GSDME: variants seen among roughly 807,000 people sequenced by gnomAD.
The protein encoded by GSDME is gasdermin E, also known as gasdermin-E.
A neutral mutation model predicts 47.5 loss-of-function variants in GSDME; 44 were observed. The observed-to-expected ratio is 0.93, with a 90% CI of 0.73 to 1.19. GSDME has a LOEUF of 1.19. Ranked by LOEUF, GSDME falls within the 50% of genes most tolerant of loss-of-function variation. The pLI, the probability that GSDME is intolerant of heterozygous loss-of-function variation, is 0.00. For synonymous variants in GSDME, 258 were observed against 252.8 expected, an observed-to-expected ratio of 1.02 and a Z score of -0.20; for missense variants, 663 against 604.2, an observed-to-expected ratio of 1.10 and a Z score of -1.02.
At position 24,735,814 on chromosome 7, in the gene GSDME, A is replaced by G. The variant is rs1177809598; in HGVS notation, c.404+8748T>C. On this transcript the variant is annotated intron_variant, in intron 3 of 9. Coordinates refer to ENST00000645220, the MANE Select transcript of GSDME (RefSeq NM_001127453.2). This position sits in a 1 kb window ranked among gnomAD's most constrained non-coding sequence, Gnocchi z 4.4. Reference sequence around the variant, plus strand: ...AAATAAATAAATAAATAAAACTACAAAAACTTTTCAAGACATAGACTGTAC... The same window carrying G: ...AAATAAATAAATAAATAAAACTACAGAAACTTTTCAAGACATAGACTGTAC... Among the ~76,000 whole-genome samples the G allele has an allele frequency of 1.3e-5, 2 of 151,512 alleles. No individual in the cohort carries two copies. The highest frequency in any genetic ancestry group is 4.8e-5 in the African/African-American group (2 of 41,342).
rs1562707746 is a variant in GSDME, at chr7:24,735,855, G to GA, written c.404+8706dup. ...TAGACTGTACAATAAGATATAAATA[G>GA]AAAAAAGGAAAAAGTTAAGCCGGGG... On this transcript the variant is annotated intron_variant, in intron 3 of 9. Transcript: ENST00000645220. This position sits in a 1 kb window ranked among gnomAD's most constrained non-coding sequence, Gnocchi z 4.4. 6.6e-6 allele frequency among the ~76,000 whole-genome samples: 1 copy of GA among 151,586 alleles called. No individual in the cohort carries two copies. The highest frequency in any genetic ancestry group is 1.5e-5 in the Non-Finnish European group (1 of 67,890).
At chr7:24,791,048 C>A in the GSDME span, among the ~76,000 whole-genome samples, 2 of 152,138 alleles carry the variant, frequency 1.3e-5, no homozygotes, top group East Asian at 3.9e-4. This position sits in a 1 kb window ranked among gnomAD's most constrained non-coding sequence, Gnocchi z 4.8. Flanking sequence ...TTGTCGTCTT[C>A]TTCAGAGTCA....
rs1422308585 is a variant in GSDME, at chr7:24,744,575, C to T, written c.391G>A (p.Asp131Asn). The change falls in exon 3 of 10, where the codon GAC (aspartate) becomes AAC (asparagine). Residue 131 changes from aspartate (D) to asparagine (N), a missense_variant. Coordinates refer to ENST00000645220, the MANE Select transcript of GSDME (RefSeq NM_001127453.2). This position sits in a 1 kb window ranked among gnomAD's most constrained non-coding sequence, Gnocchi z 4.5. Reference protein sequence around the residue: ...QEVDLQQLIRDSAERTINLRN... With the variant: ...QEVDLQQLIRNSAERTINLRN... ...AAGTCTCCTTACCTCTCGGCAGAGT[C>T]TCTGATGAGCTGCTGCAAATCCACC... The T allele has an allele frequency of 3.7e-6, 6 of 1,614,174 alleles. No individual in the cohort carries two copies. The highest frequency in any genetic ancestry group is 5.1e-6 in the Non-Finnish European group (6 of 1,180,038).
chr7:24,783,916 T>C, the GSDME span, among the ~76,000 whole-genome samples: 2 of 151,818 alleles, frequency 1.3e-5, no homozygotes, highest in African/African-American at 4.8e-5. Context: ...ATGTGTTGAG[T>C]TTGAGATGCC....
At chr7:24,781,971 C>T in the GSDME span, among the ~76,000 whole-genome samples, 1 of 152,102 alleles carries the variant, frequency 6.6e-6, no homozygotes, top group Non-Finnish European at 1.5e-5. Context: ...GTCTGAAACT[C>T]CTGGCCTCAA....
the GSDME span, among the ~76,000 whole-genome samples, chr7:24,775,363 A>G: frequency 6.6e-6 from 1 of 152,370 alleles, no homozygotes; most frequent in African/African-American, 2.4e-5. Context: ...GTACTATAAA[A>G]TCAGTGTGAT....
rs533699277 is a variant in GSDME at position 24,735,313 on chromosome 7, G to A, written c.404+9249C>T. On this transcript the variant is annotated intron_variant, in intron 3 of 9. Transcript: ENST00000645220. The surrounding 1 kb of genome is among the most constrained non-coding windows in gnomAD (Gnocchi z 4.4). ...CTAAAGAGAGTATTTTAATCAGAAA[G>A]GACATTAATAAGCAATAAGAAATCA... Among the ~76,000 whole-genome samples, 152 of 152,248 alleles carry A rather than the reference G, an allele frequency of 1.0e-3. No individual in the cohort carries two copies. The highest frequency in any genetic ancestry group is 1.9e-3 in the Non-Finnish European group (128 of 68,016).
chr7:24,744,510 C>A lies in GSDME; in HGVS notation c.404+52G>T. The A allele has an allele frequency of 2.5e-6, 4 of 1,590,224 alleles. No homozygotes were observed. The South Asian group carries it at 4.4e-5, about 18-fold the overall frequency. On this transcript the variant is annotated intron_variant, in intron 3 of 9. Transcript: ENST00000645220. The surrounding 1 kb of genome is among the most constrained non-coding windows in gnomAD (Gnocchi z 4.5). ...TTTTAACAAAGGTCCAACTGAATGA[C>A]CTTTAAATGTGAGATGTGTCAAAAT...
the GSDME span, among the ~76,000 whole-genome samples, chr7:24,784,499 A>G: frequency 6.6e-6 from 1 of 152,162 alleles, no homozygotes; most frequent in Non-Finnish European, 1.5e-5. Flanking sequence ...CCAAGAGTCC[A>G]AAGGCTGCAG....
Position 24,754,321 on chromosome 7 carries a change from G to A in GSDME, c.-20+3075C>T, listed in dbSNP as rs571571643. ...GGCCCAACATGGTGAAACCCGGTCTGTACTAAAAATACAAAAATTAGCCAG... is the reference window on the plus strand; with the variant it reads ...GGCCCAACATGGTGAAACCCGGTCTATACTAAAAATACAAAAATTAGCCAG... On this transcript the variant is annotated intron_variant, in intron 1 of 9. Transcript: ENST00000645220. The surrounding 1 kb of genome is among the most constrained non-coding windows in gnomAD (Gnocchi z 5.0). Among the ~76,000 whole-genome samples the A allele has an allele frequency of 1.3e-5, 2 of 151,986 alleles. No individual in the cohort carries two copies. Among genetic ancestry groups the A allele is most frequent in the African/African-American group, 2.4e-5 (1 of 41,386 alleles).
Position 24,708,348 on chromosome 7 carries a change from AG to A in GSDME, c.863-95del. 2.7e-6 allele frequency: 4 copies of A among 1,458,494 alleles called. No homozygotes were observed. The South Asian group carries it at 4.8e-5, about 18-fold the overall frequency. 90.3% of individuals were successfully genotyped at this position (1,458,494 alleles called of 1,614,324 possible). On this transcript the variant is annotated intron_variant, in intron 6 of 9. Transcript: ENST00000645220. Reference sequence around the variant, plus strand: ...CTGCTTTTTATACCTAATCGTCATCAGTTCTTTCATGGATATTCCCAGCTGC... The same window carrying A: ...CTGCTTTTTATACCTAATCGTCATCATTCTTTCATGGATATTCCCAGCTGC...
intron 3 of GSDME, among the ~76,000 whole-genome samples, chr7:24,719,890 C>T (rs1001081562): frequency 1.3e-5 from 2 of 152,108 alleles, no homozygotes; most frequent in Non-Finnish European, 2.9e-5. Context: ...TTAATCAGAG[C>T]TGAAGGATGT....
At chr7:24,758,009 C>T (rs1478722225), upstream of GSDME, 1 of 152,306 alleles carries the variant, frequency 6.6e-6, no homozygotes, top group Admixed American at 6.5e-5. The surrounding 1 kb of genome is among the most constrained non-coding windows in gnomAD (Gnocchi z 4.6). Context: ...GTAAACTCCA[C>T]TCTAAGCTCC....
chr7:24,700,724 G>A (rs1172345411), intron 9 of GSDME, among the ~76,000 whole-genome samples: 1 of 152,194 alleles, frequency 6.6e-6, no homozygotes, highest in Non-Finnish European at 1.5e-5. Flanking sequence ...GGCTCAGACT[G>A]CAAACTATTG....
intron 1 of GSDME, among the ~76,000 whole-genome samples, chr7:24,755,654 T>C (rs1457230793): frequency 6.6e-6 from 1 of 152,226 alleles, no homozygotes; most frequent in Admixed American, 6.5e-5. Flanking sequence ...AGAGAATCAG[T>C]GCTGAGCCAA....
chr7:24,745,291 G>A lies in GSDME; in HGVS notation c.212-537C>T, dbSNP rs542336914. 1.2e-4 allele frequency among the ~76,000 whole-genome samples: 19 copies of A among 152,212 alleles called. No individual in the cohort carries two copies. The highest frequency in any genetic ancestry group is 3.3e-4 in the Admixed American group (5 of 15,296). ...CAGCAGCCCCTATTCTGGATGCACC[G>A]CGAGAGGACAGCCTTCCTTGGCCAC... On this transcript the variant is annotated intron_variant, in intron 2 of 9. Transcript: ENST00000645220. This position sits in a 1 kb window ranked among gnomAD's most constrained non-coding sequence, Gnocchi z 4.4.
the GSDME span, among the ~76,000 whole-genome samples, chr7:24,765,889 A>T: frequency 6.6e-6 from 1 of 152,178 alleles, no homozygotes; most frequent in Admixed American, 6.5e-5. Context: ...CAAAAACTGA[A>T]TCCTAGAGAG....
the GSDME span, among the ~76,000 whole-genome samples, chr7:24,765,693 GCTCAATTAAA>G: frequency 6.6e-6 from 1 of 152,192 alleles, no homozygotes; most frequent in East Asian, 1.9e-4. Flanking sequence ...ATCATTCTTT[GCTCAATTAAA>G]CTCTGTTAAA....
At chr7:24,778,647 G>A in the GSDME span, among the ~76,000 whole-genome samples, 1 of 152,146 alleles carries the variant, frequency 6.6e-6, no homozygotes, top group Non-Finnish European at 1.5e-5. The surrounding 1 kb of genome is among the most constrained non-coding windows in gnomAD (Gnocchi z 5.6). Context: ...GCATGAGACA[G>A]CTGCTCCAGC....
Sources: allele counts gnomAD v4.1 joint callset (sites outside exome capture counted in the v4.1 genomes callset), GRCh38; gene constraint gnomAD v4.1.1; non-coding constraint Gnocchi (gnomAD v3.1); transcripts MANE v1.5; gene names NCBI Gene and HGNC (gene_info 2026-07-23, HGNC 2026-07-21).